TNFRSF9: variants seen among roughly 807,000 people sequenced by gnomAD.
TNFRSF9 encodes the protein tumor necrosis factor receptor superfamily member 9.
In TNFRSF9, 16 loss-of-function variants were observed where a neutral mutation model predicts 28.8. That is an observed-to-expected ratio of 0.55 (90% CI 0.38 to 0.84). The LOEUF (loss-of-function observed/expected upper bound fraction) is 0.84, where lower values mean the gene tolerates loss of function less well. Among genes scored for constraint, TNFRSF9 ranks in the 40% least tolerant of loss-of-function variants. TNFRSF9 has a pLI of 0.00. For missense variants in TNFRSF9, 303 were observed against 315.0 expected (o/e 0.96, Z 0.29); for synonymous variants, 131 against 117.0 (o/e 1.12, Z -0.77).
At chr1:7,939,830 A>G (rs1234364457) in intron 2 of TNFRSF9, 65 bp downstream of exon 2, 3 of 1,274,904 alleles carry the variant, frequency 2.4e-6, no homozygotes, top group Admixed American at 3.5e-5. Flanking sequence ...AGCCCTGACT[A>G]CTAGACTAAC....
At chr1:7,937,859 G>A in intron 4 of TNFRSF9, 103 bp from the exon 5 acceptor site, 1 of 987,930 alleles carries the variant, frequency 1.0e-6, no homozygotes, top group Non-Finnish European at 1.5e-6. Flanking sequence ...AATGCAATCT[G>A]CACAAATTGT....
At chr1:7,934,808 G>A (rs999443961) in intron 6 of TNFRSF9, among the ~76,000 whole-genome samples, 2 of 152,198 alleles carry the variant, frequency 1.3e-5, no homozygotes, top group African/African-American at 2.4e-5. Flanking sequence ...TGGGTGAAGT[G>A]TCCTCTGGCA....
chr1:7,938,354 A>C, intron 3 of TNFRSF9, 24 bp from the exon 4 acceptor site: 1 of 1,567,802 alleles, frequency 6.4e-7, no homozygotes, highest in Non-Finnish European at 8.6e-7. Flanking sequence ...CCAGCCCCCA[A>C]CATTTTATTA....
intron 7 of TNFRSF9, among the ~76,000 whole-genome samples, chr1:7,931,918 C>A (rs191347815): frequency 6.6e-6 from 1 of 152,106 alleles, no homozygotes; most frequent in Non-Finnish European, 1.5e-5. Flanking sequence ...CTGAGGCGGG[C>A]GGATCACCTG....
Position 7,938,323 on chromosome 1 carries a change from G to A in TNFRSF9, c.216C>T (p.Phe72=). Residue 72 remains phenylalanine, a synonymous_variant, in exon 4 of 8, where the codon TTC becomes TTT. Transcript: ENST00000377507. Reference sequence around the variant, plus strand: ...TGGAGGAACACTCCTTCCTGGTCCTGAAAACACCTACAAAGTCCCCCCAGC... The same window carrying A: ...TGGAGGAACACTCCTTCCTGGTCCTAAAAACACCTACAAAGTCCCCCCAGC... ...CDICRQCKGV[F]RTRKECSSTS... is the part of the protein sequence containing the mutation. 2 of 1,601,722 alleles carry A rather than the reference G, an allele frequency of 1.2e-6. No homozygotes were observed. The highest frequency in any genetic ancestry group is 1.7e-4 in the Middle Eastern group (1 of 6,032).
At chr1:7,936,782 T>C (rs1639822349) in intron 5 of TNFRSF9, among the ~76,000 whole-genome samples, 1 of 152,244 alleles carries the variant, frequency 6.6e-6, no homozygotes, top group South Asian at 2.1e-4. Context: ...CAAATTTTTA[T>C]TCTTAGTCAA....
At chr1:7,922,401 A>G (rs939869770) in intron 7 of TNFRSF9, among the ~76,000 whole-genome samples, 2 of 152,166 alleles carry the variant, frequency 1.3e-5, no homozygotes, top group Admixed American at 6.5e-5. Flanking sequence ...TTGGGTCAGG[A>G]TCTCCAGACC....
In TNFRSF9 at chr1:7,936,364, G is replaced by A. The variant is rs892687547; in HGVS notation, c.414-1221C>T. On this transcript the variant is annotated intron_variant, in intron 5 of 7. Coordinates refer to ENST00000377507, the MANE Select transcript of TNFRSF9 (RefSeq NM_001561.6). ...CCCAGGAGGCAGAGTTTGCAGTGAG[G>A]CGAGACCGTGCCATTGCACTCCAGC... 5 of 155,464 alleles carry A rather than the reference G, an allele frequency of 3.2e-5. No individual in the cohort carries two copies. In the South Asian group the frequency reaches 7.9e-4, roughly 25 times the overall value. 9.6% of individuals were successfully genotyped at this position (155,464 alleles called of 1,614,324 possible).
chr1:7,938,234 C>T lies in TNFRSF9; in HGVS notation c.305G>A (p.Cys102Tyr). The change falls in exon 4 of 8, where the codon TGT (cysteine) becomes TAT (tyrosine). Residue 102 changes from cysteine (C) to tyrosine (Y), a missense_variant. Cys to Tyr is a radical substitution (Grantham distance 194, BLOSUM62 -2). Transcript: ENST00000377507. ...TTGACCTTGTTTACAATCCTGTTCA[C>T]ACATGCTGCATCCTGCCCCCAGGCA... ...FHCLGAGCSM[C>Y]EQDCKQGQEL... The T allele has an allele frequency of 6.2e-7, 1 of 1,607,142 alleles. No homozygotes were observed. Among genetic ancestry groups the T allele is most frequent in the Non-Finnish European group, 8.5e-7 (1 of 1,177,162 alleles).
intron 5 of TNFRSF9, 128 bp from the exon 6 acceptor site, chr1:7,935,271 G>A (rs9657978): frequency 4.3e-4 from 435 of 1,019,142 alleles, no homozygotes; most frequent in African/African-American, 3.0e-3. Context: ...GGGTTCGAAA[G>A]CGATGCAAAG....
At chr1:7,926,935 G>A (rs975644419) in intron 7 of TNFRSF9, among the ~76,000 whole-genome samples, 18 of 152,016 alleles carry the variant, frequency 1.2e-4, no homozygotes, top group African/African-American at 3.9e-4. Flanking sequence ...AATTTAAAAC[G>A]AATCAAGCAT....
intron 4 of TNFRSF9, 84 bp downstream of exon 4, chr1:7,938,108 GT>G (rs1360968427): frequency 4.6e-6 from 6 of 1,296,730 alleles, no homozygotes; most frequent in Non-Finnish European, 4.1e-6. Flanking sequence ...CTACAAATCT[GT>G]TTGTTTATTT....
intron 7 of TNFRSF9, among the ~76,000 whole-genome samples, chr1:7,922,575 GC>G (rs1045479941): frequency 6.6e-6 from 1 of 152,158 alleles, no homozygotes; most frequent in Non-Finnish European, 1.5e-5. Flanking sequence ...ACTTTGGGAA[GC>G]CAAAGCAAGC....
chr1:7,924,332 T>C (rs1639606916), intron 7 of TNFRSF9, among the ~76,000 whole-genome samples: 1 of 104,398 alleles, frequency 9.6e-6, no homozygotes, highest in African/African-American at 3.4e-5. Flanking sequence ...TATATATATA[T>C]ATAACCAGTT....
At chr1:7,924,498 G>C (rs1639610411) in intron 7 of TNFRSF9, among the ~76,000 whole-genome samples, 1 of 151,768 alleles carries the variant, frequency 6.6e-6, no homozygotes, top group Admixed American at 6.6e-5. Context: ...ATGGCGGCAT[G>C]CACCTGTAAT....
rs1205352956 is a variant in TNFRSF9, at chr1:7,918,377, ATTTGGGT to A, written c.*2451_*2457del. 2 of 151,994 alleles carry A rather than the reference ATTTGGGT, an allele frequency of 1.3e-5. No individual in the cohort carries two copies. The highest frequency in any genetic ancestry group is 2.4e-5 in the African/African-American group (1 of 41,370). The allele number at this position is 151,994 out of a possible 1,614,324, so 9.4% of individuals were successfully genotyped here. A position where few individuals can be genotyped will look rare whatever the true frequency, so the allele number is the denominator to read the frequency against. Reference sequence around the variant, plus strand: ...TTTAGGAATCAGGACAAACAACCACATTTGGGTTTGTTTGTTTCTGAGAAAAGGTTTT... The same window carrying A: ...TTTAGGAATCAGGACAAACAACCACATTGTTTGTTTCTGAGAAAAGGTTTT... On this transcript the variant is annotated 3_prime_UTR_variant, in exon 8 of 8. Coordinates refer to ENST00000377507, the MANE Select transcript of TNFRSF9 (RefSeq NM_001561.6).
chr1:7,932,322 G>A (rs891065674), intron 7 of TNFRSF9, among the ~76,000 whole-genome samples: 2 of 152,026 alleles, frequency 1.3e-5, no homozygotes, highest in Non-Finnish European at 2.9e-5. Context: ...TAATGTCCAT[G>A]AAGACAAAAA....
At position 7,926,121 on chromosome 1, in the gene TNFRSF9, G is replaced by A. The variant is rs9658027; in HGVS notation, c.680-5198C>T. On this transcript the variant is annotated intron_variant, in intron 7 of 7. Coordinates refer to ENST00000377507, the MANE Select transcript of TNFRSF9 (RefSeq NM_001561.6). Reference sequence around the variant, plus strand: ...TCACCATGTTGGCCAGGCTAGTCTCGAACTCCTGACCTCAGGTGATCTGCC... The same window carrying A: ...TCACCATGTTGGCCAGGCTAGTCTCAAACTCCTGACCTCAGGTGATCTGCC... 9.7e-3 allele frequency among the ~76,000 whole-genome samples: 1,471 copies of A among 152,216 alleles called. 29 individuals are homozygous for A. The highest frequency in any genetic ancestry group is 0.034 in the African/African-American group (1,400 of 41,520).
intron 7 of TNFRSF9, among the ~76,000 whole-genome samples, chr1:7,924,804 C>T (rs1339495225): frequency 6.6e-6 from 1 of 152,088 alleles, no homozygotes; most frequent in African/African-American, 2.4e-5. Context: ...GTGGCAGACA[C>T]CAACTCTGTG....
Sources: allele counts gnomAD v4.1 joint callset (sites outside exome capture counted in the v4.1 genomes callset), GRCh38; gene constraint gnomAD v4.1.1; transcripts MANE v1.5; gene names NCBI Gene and HGNC (gene_info 2026-07-23, HGNC 2026-07-21).